The following GPC5 variants were observed in gnomAD, a reference collection of about 807,000 sequenced individuals.
The protein encoded by GPC5 is glypican-5.
A neutral mutation model predicts 53.9 loss-of-function variants in GPC5; 47 were observed. The ratio of observed to expected loss-of-function variants is 0.87; its 90% CI spans 0.69 to 1.11. The LOEUF (loss-of-function observed/expected upper bound fraction) is 1.11, where lower values mean the gene tolerates loss of function less well. GPC5 is among the 50% of genes most tolerant of loss of function. GPC5 has a pLI of 0.00. For synonymous variants in GPC5, 286 were observed against 263.3 expected (o/e 1.09, Z -0.84); for missense variants, 748 against 713.1 (o/e 1.05, Z -0.56).
intron 2 of GPC5, among the ~76,000 whole-genome samples, chr13:91,549,185 C>G (rs2030477723): frequency 6.6e-6 from 1 of 151,736 alleles, no homozygotes; most frequent in African/African-American, 2.4e-5. Flanking sequence ...AGGAGAATCT[C>G]TTGAACCCAG....
chr13:92,204,570 T>C (rs1032119801), intron 7 of GPC5, among the ~76,000 whole-genome samples: 4 of 152,278 alleles, frequency 2.6e-5, no homozygotes, highest in Middle Eastern at 3.4e-3. Flanking sequence ...TGACACCAAC[T>C]GCAAGTTTTG....
intron 2 of GPC5, among the ~76,000 whole-genome samples, chr13:91,485,216 T>C (rs911629237): frequency 8.0e-5 from 4 of 50,254 alleles, no homozygotes; most frequent in East Asian, 1.1e-3. Flanking sequence ...TTGGTCCCTT[T>C]TTTTTTTTTT....
At chr13:91,898,791 G>A (rs1237230504) in intron 5 of GPC5, among the ~76,000 whole-genome samples, 1 of 151,914 alleles carries the variant, frequency 6.6e-6, no homozygotes, top group African/African-American at 2.4e-5. Flanking sequence ...GACCTGTTAC[G>A]GCCCCTTACA....
intron 7 of GPC5, among the ~76,000 whole-genome samples, chr13:92,840,282 A>G (rs1566440689): frequency 6.6e-6 from 1 of 151,612 alleles, no homozygotes; most frequent in Non-Finnish European, 1.5e-5. Flanking sequence ...TTGTCCACTC[A>G]TTTACTGATG....
intron 5 of GPC5, among the ~76,000 whole-genome samples, chr13:91,788,445 A>AT (rs1231115444): frequency 1.3e-5 from 2 of 152,164 alleles, no homozygotes; most frequent in South Asian, 2.1e-4. Context: ...GTAGCAATGC[A>AT]TTTTTTTGCA....
At chr13:91,562,046 A>G (rs2031290744) in intron 2 of GPC5, among the ~76,000 whole-genome samples, 1 of 152,098 alleles carries the variant, frequency 6.6e-6, no homozygotes, top group South Asian at 2.1e-4. Flanking sequence ...TCTGAATAAT[A>G]TCTCTATTCC....
At chr13:91,674,360 G>A (rs2035319151) in intron 2 of GPC5, among the ~76,000 whole-genome samples, 1 of 149,824 alleles carries the variant, frequency 6.7e-6, no homozygotes, top group African/African-American at 2.5e-5. Flanking sequence ...CAAATATCCT[G>A]GTTTACCACT....
At chr13:91,907,879 G>GA in intron 5 of GPC5, 58 bp from the exon 6 acceptor site, 1 of 1,558,716 alleles carries the variant, frequency 6.4e-7, no homozygotes, top group Non-Finnish European at 8.7e-7. Context: ...TCAGATAGCT[G>GA]TGACAGATAA....
At chr13:91,642,693 A>G (rs1282054886) in intron 2 of GPC5, among the ~76,000 whole-genome samples, 1 of 145,772 alleles carries the variant, frequency 6.9e-6, no homozygotes, top group Non-Finnish European at 1.5e-5. Context: ...CTTAGAAAGG[A>G]TGTCAAGTTT....
chr13:91,789,914 C>T (rs566917342), intron 5 of GPC5, among the ~76,000 whole-genome samples: 4 of 152,238 alleles, frequency 2.6e-5, no homozygotes, highest in South Asian at 4.1e-4. Context: ...GGGAGCTAGG[C>T]GCTTTCACAA....
chr13:92,119,741 C>A (rs2041633384), intron 6 of GPC5, among the ~76,000 whole-genome samples: 1 of 151,796 alleles, frequency 6.6e-6, no homozygotes, highest in South Asian at 2.1e-4. Context: ...ATTAATTTTT[C>A]CACAATTTTG....
intron 5 of GPC5, among the ~76,000 whole-genome samples, chr13:91,799,770 A>G (rs1238582123): frequency 6.6e-6 from 1 of 152,188 alleles, no homozygotes; most frequent in Non-Finnish European, 1.5e-5. Flanking sequence ...CTTGCAATAG[A>G]TTCTAGCTAA....
chr13:91,758,353 C>A (rs1287098024), intron 5 of GPC5, among the ~76,000 whole-genome samples: 1 of 151,780 alleles, frequency 6.6e-6, no homozygotes, highest in African/African-American at 2.4e-5. Context: ...TAATGAGAAA[C>A]CCAGAGTGAT....
intron 6 of GPC5, among the ~76,000 whole-genome samples, chr13:92,069,181 GGTTT>G (rs1447005796): frequency 1.3e-5 from 2 of 151,782 alleles, no homozygotes; most frequent in African/African-American, 2.4e-5. Context: ...ATAAATATGA[GGTTT>G]ATTTATTGAT....
At chr13:91,857,268 T>C (rs2038977156) in intron 5 of GPC5, among the ~76,000 whole-genome samples, 1 of 151,334 alleles carries the variant, frequency 6.6e-6, no homozygotes, top group South Asian at 2.1e-4. Flanking sequence ...CTTATCAGTT[T>C]CTTCAAAATA....
chr13:91,405,252 G>T (rs142394712), intron 1 of GPC5, among the ~76,000 whole-genome samples: 1 of 152,078 alleles, frequency 6.6e-6, no homozygotes, highest in Non-Finnish European at 1.5e-5. Flanking sequence ...CTTTGTTGTG[G>T]GGTGCTGTCC....
intron 7 of GPC5, among the ~76,000 whole-genome samples, chr13:92,418,027 C>T: frequency 6.6e-6 from 1 of 152,070 alleles, no homozygotes. Context: ...ATCTTGAAAA[C>T]ATTATGCTAA....
Position 91,534,872 on chromosome 13 carries a change from C to G in GPC5, c.325+85950C>G, listed in dbSNP as rs779312165. Among the ~76,000 whole-genome samples the G allele has an allele frequency of 2.0e-4, 30 of 152,268 alleles. 1 individual carries two copies. The highest frequency in any genetic ancestry group is 2.9e-5 in the Non-Finnish European group (2 of 68,014). On this transcript the variant is annotated intron_variant, in intron 2 of 7. Transcript: ENST00000377067. ...GGCCATTGCTGTATCTTCTAGACTT[C>G]GACAGCCATATTCTGATCCCCGTTC...
At chr13:91,819,402 G>A (rs745959764) in intron 5 of GPC5, among the ~76,000 whole-genome samples, 16 of 151,570 alleles carry the variant, frequency 1.1e-4, no homozygotes, top group Non-Finnish European at 1.8e-4. Context: ...CTCGTGATTC[G>A]TCTGCCTCAG....
Sources: allele counts gnomAD v4.1 joint callset (sites outside exome capture counted in the v4.1 genomes callset), GRCh38; gene constraint gnomAD v4.1.1; transcripts MANE v1.5; gene names NCBI Gene and HGNC (gene_info 2026-07-23, HGNC 2026-07-21).